Variants in RRP15 observed in about 807,000 individuals in gnomAD.
The protein encoded by RRP15 is RRP15-like protein.
A neutral mutation model predicts 27.1 loss-of-function variants in RRP15; 18 were observed. That is an observed-to-expected ratio of 0.66 (90% confidence interval 0.46 to 0.98). The LOEUF is 0.98. Among genes scored for constraint, RRP15 ranks in the 50% least tolerant of loss-of-function variants. RRP15 has a pLI of 0.00. For synonymous variants in RRP15, 107 were observed against 109.4 expected (o/e 0.98, Z 0.14); for missense variants, 359 against 337.8 (o/e 1.06, Z -0.49).
At position 218,305,069 on chromosome 1, in the gene RRP15, G is replaced by C. The variant is rs11118075; in HGVS notation, c.447G>C (p.Lys149Asn). 0.032 allele frequency: 51,735 copies of C among 1,613,414 alleles called. 991 individuals are homozygous for C. Among genetic ancestry groups the C allele is most frequent in the East Asian group, 0.074 (3,335 of 44,826 alleles). The change falls in exon 3 of 5, where the codon AAG becomes AAC. Residue 149 changes from lysine to asparagine, a missense_variant. Transcript: ENST00000366932. ...AGTGGGAAATGATGTGCAGAGTAAA[G>C]CCAGATGTTGTCCAAGACAAAGAGA... is the stretch of plus-strand genomic sequence containing the variant. ...RLEWEMMCRV[K>N]PDVVQDKETE...
Position 218,337,310 on chromosome 1 carries a change from G to A in RRP15, c.*6219G>A, listed in dbSNP as rs1656464197. 6.6e-6 allele frequency: 1 copy of A among 152,152 alleles called. No individual in the cohort carries two copies. The highest frequency in any genetic ancestry group is 1.5e-5 in the Non-Finnish European group (1 of 68,024). The allele number at this position is 152,152 out of a possible 1,614,324, so 9.4% of individuals were successfully genotyped here. On this transcript the variant is annotated 3_prime_UTR_variant, in exon 5 of 5. Transcript: ENST00000366932. ...AAATTTAAAGTCTAACAGGTGGTAG[G>A]TGCTTATTGAGGCCCAGCAATTCTA... is the stretch of plus-strand genomic sequence containing the variant.
Position 218,313,428 on chromosome 1 carries a change from C to T in RRP15, c.705+5796C>T, listed in dbSNP as rs377262066. Among the ~76,000 whole-genome samples, 60 of 152,196 alleles carry T rather than the reference C, an allele frequency of 3.9e-4. No homozygotes were observed. In the South Asian group the frequency reaches 0.011, roughly 29 times the overall value. ...GGAGAGGGAGGATTTATTAATAACT[C>T]AGAGGTTTACAACTTGGGAGACTCA... is the stretch of plus-strand genomic sequence containing the variant. On this transcript the variant is annotated intron_variant, in intron 4 of 4. Transcript: ENST00000366932.
chr1:218,325,360 A>G (rs1432572053), intron 4 of RRP15, among the ~76,000 whole-genome samples: 2 of 151,942 alleles, frequency 1.3e-5, no homozygotes, highest in African/African-American at 4.8e-5. Flanking sequence ...GTTTTACTCC[A>G]TCTGTTTATG....
At chr1:218,309,037 T>A (rs1655947008) in intron 4 of RRP15, among the ~76,000 whole-genome samples, 2 of 152,196 alleles carry the variant, frequency 1.3e-5, no homozygotes, top group Admixed American at 1.3e-4. Flanking sequence ...GTTATGAAAA[T>A]ACACAACAGA....
chr1:218,305,515 T>G (rs1417806073), intron 3 of RRP15, among the ~76,000 whole-genome samples: 1 of 152,236 alleles, frequency 6.6e-6, no homozygotes, highest in Admixed American at 6.5e-5. Context: ...TTTACTCTGC[T>G]TATTTATTCA....
intron 4 of RRP15, among the ~76,000 whole-genome samples, chr1:218,315,450 CA>C (rs1416885140): frequency 1.6e-4 from 24 of 152,044 alleles, no homozygotes; most frequent in Non-Finnish European, 2.8e-4. Flanking sequence ...TTTTCTAAGG[CA>C]GGATCTCACT....
intron 4 of RRP15, among the ~76,000 whole-genome samples, chr1:218,310,840 C>T (rs972377721): frequency 1.3e-5 from 2 of 152,078 alleles, no homozygotes; most frequent in Non-Finnish European, 2.9e-5. Flanking sequence ...CTTCCGCCTC[C>T]TGGGTTCAAG....
At chr1:218,292,713 C>T (rs1244075521) in intron 1 of RRP15, among the ~76,000 whole-genome samples, 1 of 152,220 alleles carries the variant, frequency 6.6e-6, no homozygotes, top group Non-Finnish European at 1.5e-5. Context: ...AGTCTGCATA[C>T]CCAACCTGTG....
intron 4 of RRP15, among the ~76,000 whole-genome samples, chr1:218,322,740 C>T (rs1296720201): frequency 2.0e-5 from 3 of 152,112 alleles, no homozygotes; most frequent in East Asian, 3.9e-4. Flanking sequence ...TTACAGGATC[C>T]TTGGGTGTCG....
intron 1 of RRP15, among the ~76,000 whole-genome samples, chr1:218,298,347 CCTACAAATT>C (rs1027635914): frequency 1.3e-5 from 2 of 152,196 alleles, no homozygotes; most frequent in Non-Finnish European, 2.9e-5. Context: ...TTTAAGAACA[CCTACAAATT>C]CTATTACAAT....
intron 4 of RRP15, among the ~76,000 whole-genome samples, chr1:218,328,676 A>AT (rs944496756): frequency 2.0e-5 from 3 of 151,098 alleles, no homozygotes; most frequent in African/African-American, 4.9e-5. Flanking sequence ...AAAAAAAAAA[A>AT]TTTTTTTTTC....
rs577980857 is a variant in RRP15, at chr1:218,332,336, A to G, written c.*1245A>G. ...TTAAATTGGGTGACTTTTAGTATCC[A>G]GCTGTTAAAAAGAGGAAAGACTGTT... On this transcript the variant is annotated 3_prime_UTR_variant, in exon 5 of 5. Coordinates refer to ENST00000366932, the MANE Select transcript of RRP15 (RefSeq NM_016052.4). The G allele has an allele frequency of 3.3e-5, 5 of 152,344 alleles. No homozygotes were observed. Among genetic ancestry groups the G allele is most frequent in the African/African-American group, 9.6e-5 (4 of 41,584 alleles). 9.4% of individuals were successfully genotyped at this position (152,344 alleles called of 1,614,324 possible).
chr1:218,290,402 A>G (rs748453534), intron 1 of RRP15, among the ~76,000 whole-genome samples: 5 of 152,128 alleles, frequency 3.3e-5, no homozygotes, highest in Non-Finnish European at 5.9e-5. Context: ...CATTTTTGTC[A>G]TTTTATCAAT....
chr1:218,289,739 A>G (rs1655604761), intron 1 of RRP15, among the ~76,000 whole-genome samples: 1 of 152,026 alleles, frequency 6.6e-6, no homozygotes, highest in East Asian at 1.9e-4. Flanking sequence ...CTGGAGTGCA[A>G]TGGTATGATC....
chr1:218,327,493 G>A (rs778242940), intron 4 of RRP15, among the ~76,000 whole-genome samples: 5 of 152,030 alleles, frequency 3.3e-5, no homozygotes, highest in East Asian at 1.9e-4. Context: ...TAATAGAAGC[G>A]GGGTTTCACC....
At position 218,285,409 on chromosome 1, in the gene RRP15, A is replaced by T; in HGVS notation, c.93A>T (p.Val31=). ...AGATGAAAATGGTAACTGGAGCCGT[A>T]GCGTCGGTGCTGGAAGACGAGGCCA... ...KKKMKMVTGA[V]ASVLEDEATD... Residue 31 remains valine, a synonymous_variant, in exon 1 of 5, where the codon GTA becomes GTT. Coordinates refer to ENST00000366932, the MANE Select transcript of RRP15 (RefSeq NM_016052.4). 6.2e-7 allele frequency: 1 copy of T among 1,614,218 alleles called. No homozygotes were observed. Among genetic ancestry groups the T allele is most frequent in the Middle Eastern group, 1.6e-4 (1 of 6,062 alleles).
chr1:218,314,119 T>G (rs997158310), intron 4 of RRP15, among the ~76,000 whole-genome samples: 1 of 152,140 alleles, frequency 6.6e-6, no homozygotes, highest in African/African-American at 2.4e-5. Flanking sequence ...CCTCCCAAAG[T>G]GCTGGGATTA....
At chr1:218,287,586 A>G (rs1655570523) in intron 1 of RRP15, among the ~76,000 whole-genome samples, 1 of 152,174 alleles carries the variant, frequency 6.6e-6, no homozygotes, top group Non-Finnish European at 1.5e-5. Context: ...ACTGTAATAT[A>G]GTGTATTAGT....
chr1:218,308,528 A>C (rs1655939076), intron 4 of RRP15, among the ~76,000 whole-genome samples: 1 of 152,194 alleles, frequency 6.6e-6, no homozygotes, highest in African/African-American at 2.4e-5. Flanking sequence ...ACTTTTAATC[A>C]GTCAGGAAAT....
Sources: gnomAD v4.1 joint callset for allele counts (sites outside exome capture counted in the v4.1 genomes callset) on GRCh38, gnomAD v4.1.1 for gene constraint, MANE v1.5 for transcripts, NCBI Gene and HGNC (gene_info 2026-07-23, HGNC 2026-07-21) for gene names.